FSTL5: variants seen among roughly 807,000 people sequenced by gnomAD.
FSTL5 encodes the protein follistatin like 5, also known as follistatin-related protein 5.
A neutral mutation model predicts 89.1 loss-of-function variants in FSTL5; 62 were observed. That is an observed-to-expected ratio of 0.70 (90% CI 0.57 to 0.86). The LOEUF (loss-of-function observed/expected upper bound fraction) is 0.86. Ranked by LOEUF, FSTL5 falls within the 40% of genes least tolerant of loss-of-function variation. The pLI, the probability that FSTL5 is intolerant of heterozygous loss-of-function variation, is 0.00. For missense variants in FSTL5, 1,057 were observed against 1,001.6 expected, an observed-to-expected ratio of 1.06 and a Z score of -0.75; for synonymous variants, 383 against 346.2, an observed-to-expected ratio of 1.11 and a Z score of -1.18.
chr4:161,752,215 T>TGATAGACG (rs1740417764), intron 6 of FSTL5, among the ~76,000 whole-genome samples: 1 of 146,434 alleles, frequency 6.8e-6, no homozygotes, highest in African/African-American at 2.6e-5. Flanking sequence ...TATAGACAGA[T>TGATAGACG]GATAGATGGA....
chr4:161,915,424 G>A (rs1365090942), intron 4 of FSTL5, among the ~76,000 whole-genome samples: 1 of 151,712 alleles, frequency 6.6e-6, no homozygotes, highest in Non-Finnish European at 1.5e-5. Context: ...CCCAAAATGA[G>A]TGATGAGTCT....
At chr4:162,107,571 C>A (rs914525034) in intron 2 of FSTL5, among the ~76,000 whole-genome samples, 16 of 152,068 alleles carry the variant, frequency 1.1e-4, no homozygotes, top group African/African-American at 3.9e-4. Context: ...TTAAGTATTG[C>A]TTCCTCGTGA....
chr4:161,977,636 A>ATAATAATAAT (rs1487670539), intron 3 of FSTL5, among the ~76,000 whole-genome samples: 1 of 106,260 alleles, frequency 9.4e-6, no homozygotes, highest in African/African-American at 3.8e-5. Context: ...AAAAAAAAAA[A>ATAATAATAAT]AAAAATAATA....
At chr4:161,579,763 G>GAA (rs202138753) in intron 8 of FSTL5, among the ~76,000 whole-genome samples, 147 of 34,678 alleles carry the variant, frequency 4.2e-3, no homozygotes, top group Non-Finnish European at 0.011. Flanking sequence ...AAGAAAAAAA[G>GAA]AAAAAAAAAT....
chr4:162,139,235 C>T (rs1312503018), intron 1 of FSTL5, among the ~76,000 whole-genome samples: 2 of 151,988 alleles, frequency 1.3e-5, no homozygotes, highest in Non-Finnish European at 2.9e-5. Context: ...CCCTCCCTTC[C>T]AACTCCTGGA....
intron 4 of FSTL5, among the ~76,000 whole-genome samples, chr4:161,783,524 C>T (rs1415093057): frequency 6.7e-6 from 1 of 149,984 alleles, no homozygotes; most frequent in Non-Finnish European, 1.5e-5. Context: ...ATTATGTCTT[C>T]TTTCTTTCTT....
At chr4:162,128,204 T>C (rs1174906415) in intron 1 of FSTL5, among the ~76,000 whole-genome samples, 1 of 152,230 alleles carries the variant, frequency 6.6e-6, no homozygotes, top group Admixed American at 6.5e-5. Context: ...GTAATATGTC[T>C]GTAGTATTTT....
chr4:161,608,326 T>C (rs1169843143), intron 7 of FSTL5, among the ~76,000 whole-genome samples: 4 of 152,292 alleles, frequency 2.6e-5, no homozygotes, highest in Admixed American at 2.6e-4. Flanking sequence ...CATTTTATAA[T>C]TGCTTCTAAC....
At chr4:162,019,792 A>ATG (rs1211872850) in intron 3 of FSTL5, among the ~76,000 whole-genome samples, 2 of 141,534 alleles carry the variant, frequency 1.4e-5, no homozygotes, top group Admixed American at 7.1e-5. Flanking sequence ...GTGTGTGTGT[A>ATG]TGTGTGTGTT....
chr4:161,946,822 CT>C (rs1734747252), intron 3 of FSTL5, among the ~76,000 whole-genome samples: 1 of 152,108 alleles, frequency 6.6e-6, no homozygotes, highest in Non-Finnish European at 1.5e-5. Context: ...CAAACTGAAA[CT>C]TTTATTTAAA....
intron 2 of FSTL5, chr4:162,047,313 A>G (rs1038476187): frequency 1.3e-5 from 2 of 152,160 alleles, no homozygotes; most frequent in East Asian, 3.9e-4. Context: ...ATGAAAACAC[A>G]TATCATTCTT....
intron 1 of FSTL5, among the ~76,000 whole-genome samples, chr4:162,148,147 A>G (rs181135617): frequency 6.6e-6 from 1 of 152,280 alleles, no homozygotes; most frequent in East Asian, 1.9e-4. Context: ...TATTTAGTGA[A>G]ATTTGATATC....
At chr4:161,794,953 C>A (rs1729589573) in intron 4 of FSTL5, among the ~76,000 whole-genome samples, 1 of 152,012 alleles carries the variant, frequency 6.6e-6, no homozygotes, top group Non-Finnish European at 1.5e-5. Context: ...ATGTCTGTAT[C>A]TACCTATCAA....
chr4:162,122,727 T>C (rs1579045699), intron 1 of FSTL5, among the ~76,000 whole-genome samples: 1 of 152,118 alleles, frequency 6.6e-6, no homozygotes, highest in South Asian at 2.1e-4. Context: ...AAATTAAAAC[T>C]TTTTCTCCTA....
At chr4:161,462,646 G>A (rs959677755) in intron 13 of FSTL5, among the ~76,000 whole-genome samples, 3 of 152,160 alleles carry the variant, frequency 2.0e-5, no homozygotes, top group Non-Finnish European at 4.4e-5. Context: ...GTGAGTATTA[G>A]GTGAGATAGT....
chr4:161,669,940 A>G (rs376717517), intron 6 of FSTL5, among the ~76,000 whole-genome samples: 25 of 152,264 alleles, frequency 1.6e-4, no homozygotes, highest in African/African-American at 6.0e-4. Context: ...ATCAAACATA[A>G]TGATGAGCAC....
At chr4:161,831,734 A>T (rs1730852215) in intron 4 of FSTL5, among the ~76,000 whole-genome samples, 1 of 151,908 alleles carries the variant, frequency 6.6e-6, no homozygotes, top group South Asian at 2.1e-4. Context: ...AATGTCACTC[A>T]TTAAATAACT....
chr4:161,941,651 G>C (rs892438401), intron 3 of FSTL5, among the ~76,000 whole-genome samples: 2 of 151,740 alleles, frequency 1.3e-5, no homozygotes, highest in East Asian at 3.9e-4. Context: ...CTACATGAAG[G>C]GACCTTGGCA....
intron 7 of FSTL5, among the ~76,000 whole-genome samples, chr4:161,651,323 C>T (rs1456934231): frequency 6.9e-6 from 1 of 144,420 alleles, no homozygotes; most frequent in Non-Finnish European, 1.5e-5. Context: ...CTAAACCTTC[C>T]TTGAATTGAA....
Sources: allele counts gnomAD v4.1 joint callset (sites outside exome capture counted in the v4.1 genomes callset), GRCh38; gene constraint gnomAD v4.1.1; transcripts MANE v1.5; gene names NCBI Gene and HGNC (gene_info 2026-07-23, HGNC 2026-07-21).